Variants in ATF7 observed in about 807,000 individuals in gnomAD.
ATF7 encodes cyclic AMP-dependent transcription factor ATF-7.
Under a neutral mutation model 50.4 loss-of-function variants are expected in ATF7, and 10 were observed. That is an observed-to-expected ratio of 0.20 (90% confidence interval 0.12 to 0.34). The LOEUF is 0.34. ATF7 is among the 10% of genes least tolerant of loss of function. ATF7 has a pLI of 1.00. For synonymous variants in ATF7, 201 were observed against 226.4 expected (o/e 0.89, Z 1.01); for missense variants, 465 against 613.9 (o/e 0.76, Z 2.56).
intron 2 of ATF7, among the ~76,000 whole-genome samples, chr12:53,553,721 T>C (rs562329583): frequency 1.3e-5 from 2 of 152,322 alleles, no homozygotes; most frequent in South Asian, 4.1e-4. Flanking sequence ...TCCTTCACAC[T>C]GAGGCTCTGA....
At chr12:53,557,270 T>C (rs1940812615) in intron 2 of ATF7, among the ~76,000 whole-genome samples, 1 of 152,158 alleles carries the variant, frequency 6.6e-6, no homozygotes, top group Non-Finnish European at 1.5e-5. Flanking sequence ...GGCACGATCT[T>C]GGCTCATTGC....
chr12:53,580,255 C>T (rs1434383602), intron 2 of ATF7, among the ~76,000 whole-genome samples: 1 of 137,666 alleles, frequency 7.3e-6, no homozygotes, highest in South Asian at 2.3e-4. Flanking sequence ...TCTAATAAAA[C>T]AAAATTACTG....
downstream of ATF7, among the ~76,000 whole-genome samples, chr12:53,511,719 C>T (rs908759255): frequency 1.3e-5 from 2 of 152,168 alleles, no homozygotes; most frequent in African/African-American, 4.8e-5. Flanking sequence ...AGTAAAAGGC[C>T]ATTTGCCATC....
In ATF7 at chr12:53,533,162, A is replaced by G. The variant is rs945074150; in HGVS notation, c.658T>C (p.Ser220Pro). 1.2e-6 allele frequency: 2 copies of G among 1,610,742 alleles called. No individual in the cohort carries two copies. Among genetic ancestry groups the G allele is most frequent in the African/African-American group, 2.7e-5 (2 of 74,828 alleles). ...GCTGCCCCAACTACAGAGCTCACCGATATAACAGACGGCATCTGTACTGGA... is the reference window on the plus strand; with the variant it reads ...GCTGCCCCAACTACAGAGCTCACCGGTATAACAGACGGCATCTGTACTGGA... The part of the protein sequence containing the change: ...GPPVQMPSVI[S>P]LARPVSMVPN... The change falls in exon 7 of 12, where the codon TCG (serine) becomes CCG (proline). Residue 220 changes from serine (S) to proline (P), a missense_variant and splice_region_variant. Ser to Pro is a moderately conservative substitution (Grantham distance 74). Transcript: ENST00000420353.
intron 4 of ATF7, chr12:53,542,925 C>CA (rs1418604423): frequency 1.9e-6 from 2 of 1,041,162 alleles, no homozygotes; most frequent in Admixed American, 5.3e-5. Context: ...CTTGCTGATT[C>CA]AAAAAAACAG....
chr12:53,549,460 A>G (rs11170592), intron 3 of ATF7, among the ~76,000 whole-genome samples: 1 of 151,636 alleles, frequency 6.6e-6, no homozygotes, highest in Non-Finnish European at 1.5e-5. Context: ...CTGGAGTGCA[A>G]TGGCACAATC....
downstream of ATF7, among the ~76,000 whole-genome samples, chr12:53,509,503 CTTTT>C (rs1337552672): frequency 3.7e-5 from 5 of 135,056 alleles, no homozygotes; most frequent in Non-Finnish European, 4.8e-5. Flanking sequence ...TACACTCCAG[CTTTT>C]TTTTTTTTTT....
chr12:53,531,688 G>T (rs1592799885), intron 9 of ATF7, 56 bp downstream of exon 9: 2 of 1,510,918 alleles, frequency 1.3e-6, no homozygotes, highest in East Asian at 2.4e-5. Context: ...TTGAACAATA[G>T]ATATGACATA....
chr12:53,608,218 CAAAAA>C (rs71444811), intron 1 of ATF7, among the ~76,000 whole-genome samples: 3 of 89,046 alleles, frequency 3.4e-5, no homozygotes, highest in African/African-American at 3.9e-5. Flanking sequence ...GACTCTGTCT[CAAAAA>C]AAAAAAAAAA....
At chr12:53,526,834 G>A (rs1938500460) in intron 9 of ATF7, among the ~76,000 whole-genome samples, 1 of 151,940 alleles carries the variant, frequency 6.6e-6, no homozygotes, top group African/African-American at 2.4e-5. Flanking sequence ...CTGGGCGACA[G>A]AGCAACACTC....
At chr12:53,552,712 A>G (rs1307137127) in intron 2 of ATF7, 75 bp from the exon 3 acceptor site, 2 of 1,121,158 alleles carry the variant, frequency 1.8e-6, no homozygotes, top group Non-Finnish European at 2.7e-6. Flanking sequence ...AAAATGTCCT[A>G]CCAAACATCT....
chr12:53,573,084 CAAAAA>C (rs75993824), intron 2 of ATF7, among the ~76,000 whole-genome samples: 1 of 68,310 alleles, frequency 1.5e-5, no homozygotes. Flanking sequence ...TGTACCCGGC[CAAAAA>C]AAAAAAAAAA....
chr12:53,532,769 C>T (rs560561577), intron 7 of ATF7, 146 bp from the exon 8 acceptor site: 1 of 609,472 alleles, frequency 1.6e-6, no homozygotes, highest in East Asian at 2.8e-5. Flanking sequence ...GCAGGGACAG[C>T]CTGGGAAATA....
intron 2 of ATF7, among the ~76,000 whole-genome samples, chr12:53,596,996 T>C (rs1471672067): frequency 6.6e-6 from 1 of 152,200 alleles, no homozygotes; most frequent in Non-Finnish European, 1.5e-5. Flanking sequence ...CTCTATTAAC[T>C]GCTCCTGCTA....
At chr12:53,517,919 C>T (rs571963944) in intron 11 of ATF7, among the ~76,000 whole-genome samples, 1 of 152,102 alleles carries the variant, frequency 6.6e-6, no homozygotes, top group Non-Finnish European at 1.5e-5. Flanking sequence ...GGCTGGAGTG[C>T]AGTGGTGCAA....
chr12:53,528,961 T>TG (rs1203379422), intron 9 of ATF7, among the ~76,000 whole-genome samples: 1 of 151,728 alleles, frequency 6.6e-6, no homozygotes, highest in East Asian at 1.9e-4. Flanking sequence ...AAGCTGGGGC[T>TG]GGGCATGGTG....
At chr12:53,559,374 T>C (rs951201544) in intron 2 of ATF7, among the ~76,000 whole-genome samples, 3 of 150,930 alleles carry the variant, frequency 2.0e-5, no homozygotes, top group South Asian at 2.1e-4. Context: ...CCTTTAAGAC[T>C]GAGGTATAAA....
intron 11 of ATF7, among the ~76,000 whole-genome samples, chr12:53,520,404 T>A (rs887154389): frequency 1.3e-5 from 2 of 151,732 alleles, no homozygotes; most frequent in Non-Finnish European, 2.9e-5. Flanking sequence ...TGGCAAAACA[T>A]CATCTCTAAA....
chr12:53,554,361 C>T (rs1015584543), intron 2 of ATF7, among the ~76,000 whole-genome samples: 1 of 151,752 alleles, frequency 6.6e-6, no homozygotes, highest in Non-Finnish European at 1.5e-5. Flanking sequence ...GAACTCCTGA[C>T]CTCAGGTGAT....
Sources: gnomAD v4.1 joint callset for allele counts (sites outside exome capture counted in the v4.1 genomes callset) on GRCh38, gnomAD v4.1.1 for gene constraint, MANE v1.5 for transcripts, NCBI Gene and HGNC (gene_info 2026-07-23, HGNC 2026-07-21) for gene names.